The following TMEM207 variants were observed in gnomAD, a reference collection of about 807,000 sequenced individuals.
TMEM207 encodes transmembrane protein 207.
TMEM207 carries 15 observed loss-of-function variants against 17.4 expected under a neutral mutation model. The observed-to-expected ratio is 0.86, with a 90% CI of 0.58 to 1.33. The LOEUF (loss-of-function observed/expected upper bound fraction) is 1.33, where lower values mean the gene tolerates loss of function less well. Ranked by LOEUF, TMEM207 falls within the 40% of genes most tolerant of loss-of-function variation. The probability of loss-of-function intolerance (pLI) is 0.00; values close to 1 mark genes in which losing one functional copy is unlikely to be tolerated. For synonymous variants in TMEM207, 70 were observed against 65.6 expected, an observed-to-expected ratio of 1.07 and a Z score of -0.33; for missense variants, 205 against 173.8, an observed-to-expected ratio of 1.18 and a Z score of -1.01.
At position 190,432,654 on chromosome 3, in the gene TMEM207, G is replaced by A. The variant is rs143808660; in HGVS notation, c.305-2923C>T. On this transcript the variant is annotated intron_variant, in intron 4 of 4. Coordinates refer to ENST00000354905, the MANE Select transcript of TMEM207 (RefSeq NM_207316.3). ...AAATCATAAAATAAAAGAATCCTGG[G>A]AGACTGGAGGGAGAAGAGAGCAGAG... Among the ~76,000 whole-genome samples the A allele has an allele frequency of 3.3e-5, 5 of 152,216 alleles. No homozygotes were observed. In the East Asian group the frequency reaches 9.7e-4, roughly 29 times the overall value.
intron 4 of TMEM207, among the ~76,000 whole-genome samples, chr3:190,432,793 T>C (rs1049510814): frequency 6.6e-6 from 1 of 151,922 alleles, no homozygotes; most frequent in African/African-American, 2.4e-5. Context: ...TTCCCAGAAA[T>C]AAGAAAGAGG....
intron 4 of TMEM207, among the ~76,000 whole-genome samples, chr3:190,439,457 C>A (rs1457415528): frequency 6.6e-6 from 1 of 152,122 alleles, no homozygotes; most frequent in Admixed American, 6.5e-5. Context: ...TAAGCGCTCC[C>A]GAGGTAACTG....
At chr3:190,447,625 GA>G (rs912579735) in intron 2 of TMEM207, among the ~76,000 whole-genome samples, 164 bp downstream of exon 2, 8 of 149,950 alleles carry the variant, frequency 5.3e-5, no homozygotes, top group East Asian at 3.9e-4. Flanking sequence ...CCTGTTTTCA[GA>G]AAAAAAAATG....
At chr3:190,439,971 C>T (rs1719893333) in intron 4 of TMEM207, among the ~76,000 whole-genome samples, 1 of 152,186 alleles carries the variant, frequency 6.6e-6, no homozygotes, top group Admixed American at 6.5e-5. Flanking sequence ...GCCCTGCATA[C>T]TTCTTCTCTT....
At chr3:190,445,821 G>A (rs192212130) in intron 2 of TMEM207, among the ~76,000 whole-genome samples, 84 of 152,244 alleles carry the variant, frequency 5.5e-4, no homozygotes, top group African/African-American at 1.5e-3. Flanking sequence ...CACTGCGCCC[G>A]GTCGACCAGT....
At chr3:190,435,310 CTT>C (rs1273202188) in intron 4 of TMEM207, among the ~76,000 whole-genome samples, 9 of 152,188 alleles carry the variant, frequency 5.9e-5, no homozygotes, top group African/African-American at 2.2e-4. Flanking sequence ...ACATCATGGT[CTT>C]TACTTTGTGC....
chr3:190,438,204 C>T (rs948518276), intron 4 of TMEM207, among the ~76,000 whole-genome samples: 2 of 151,648 alleles, frequency 1.3e-5, no homozygotes, highest in South Asian at 4.2e-4. Flanking sequence ...TATGTAACTA[C>T]CCTGCACATT....
chr3:190,429,561 G>A lies in TMEM207; in HGVS notation c.*34C>T, dbSNP rs372274107. The A allele has an allele frequency of 6.8e-5, 110 of 1,606,578 alleles. No homozygotes were observed. Among genetic ancestry groups the A allele is most frequent in the Non-Finnish European group, 7.8e-5 (92 of 1,175,100 alleles). ...TTGATGTTTTGGAATTACAGATGTC[G>A]TTAATACTTTAAATTGATAATCCAC... On this transcript the variant is annotated 3_prime_UTR_variant, in exon 5 of 5. Coordinates refer to ENST00000354905, the MANE Select transcript of TMEM207 (RefSeq NM_207316.3).
At chr3:190,447,663 A>G in intron 2 of TMEM207, 127 bp downstream of exon 2, 1 of 811,742 alleles carries the variant, frequency 1.2e-6, no homozygotes, top group Non-Finnish European at 1.9e-6. Context: ...CAAACCATTT[A>G]CTTTTCTTCT....
At chr3:190,444,433 T>C (rs1385614834) in intron 2 of TMEM207, 18 of 985,076 alleles carry the variant, frequency 1.8e-5, no homozygotes, top group East Asian at 1.1e-4. Flanking sequence ...AACCTCATAG[T>C]ACCATGTGGA....
In TMEM207 at chr3:190,449,715, C is replaced by T. The variant is rs756566206; in HGVS notation, c.75+20G>A. ...TCAGAGTACCTCTGAAAACCTTAAC[C>T]CAGAAAGAGAGATAGTTACCTGGAA... On this transcript the variant is annotated intron_variant, in intron 1 of 4. Transcript: ENST00000354905. 3 of 1,613,004 alleles carry T rather than the reference C, an allele frequency of 1.9e-6. No homozygotes were observed. In the East Asian group the frequency reaches 6.7e-5, roughly 36 times the overall value.
chr3:190,448,715 A>C (rs1311569460), intron 1 of TMEM207, among the ~76,000 whole-genome samples: 1 of 152,194 alleles, frequency 6.6e-6, no homozygotes, highest in Non-Finnish European at 1.5e-5. Context: ...AGAAGTTACA[A>C]AATTTAAAGT....
At position 190,429,548 on chromosome 3, in the gene TMEM207, A is replaced by T; in HGVS notation, c.*47T>A. ...ACTATTCCTAAATTTGATGTTTTGGAATTACAGATGTCGTTAATACTTTAA... is the reference window on the plus strand; with the variant it reads ...ACTATTCCTAAATTTGATGTTTTGGTATTACAGATGTCGTTAATACTTTAA... On this transcript the variant is annotated 3_prime_UTR_variant, in exon 5 of 5. Transcript: ENST00000354905. 6.2e-7 allele frequency: 1 copy of T among 1,603,648 alleles called. No homozygotes were observed. The highest frequency in any genetic ancestry group is 2.2e-5 in the East Asian group (1 of 44,706).
chr3:190,433,803 A>G (rs980828459), intron 4 of TMEM207, among the ~76,000 whole-genome samples: 2 of 151,760 alleles, frequency 1.3e-5, no homozygotes, highest in Non-Finnish European at 2.9e-5. Context: ...GCCCGGTGGG[A>G]GTTGACTGGA....
Position 190,429,117 on chromosome 3 carries a change from CT to C in TMEM207, c.*477del, listed in dbSNP as rs1413179973. 1 of 152,252 alleles carries C rather than the reference CT, an allele frequency of 6.6e-6. No individual in the cohort carries two copies. Among genetic ancestry groups the C allele is most frequent in the Non-Finnish European group, 1.5e-5 (1 of 68,220 alleles). The allele number at this position is 152,252 out of a possible 1,614,324, so 9.4% of individuals were successfully genotyped here. A position where few individuals can be genotyped will look rare whatever the true frequency, so the allele number is the denominator to read the frequency against. ...CTTCAACTCCAAACTTTTCTTTTTC[CT>C]ACTCTCTCCCCTCACCTTCATTCAA... is the stretch of plus-strand genomic sequence containing the variant. On this transcript the variant is annotated 3_prime_UTR_variant, in exon 5 of 5. Coordinates refer to ENST00000354905, the MANE Select transcript of TMEM207 (RefSeq NM_207316.3).
chr3:190,430,699 T>A (rs1719673550), intron 4 of TMEM207, among the ~76,000 whole-genome samples: 1 of 152,216 alleles, frequency 6.6e-6, no homozygotes, highest in South Asian at 2.1e-4. Context: ...GTGTATTGAA[T>A]TTATGAAACA....
At chr3:190,439,140 G>GCAC (rs199902431) in intron 4 of TMEM207, among the ~76,000 whole-genome samples, 15,038 of 140,566 alleles carry the variant, frequency 0.11, 625 homozygotes, top group African/African-American at 0.23. Context: ...TCGCGCCACG[G>GCAC]CACTCCCGCC....
intron 4 of TMEM207, among the ~76,000 whole-genome samples, chr3:190,439,164 G>A (rs1427581625): frequency 4.0e-4 from 49 of 121,850 alleles, no homozygotes; most frequent in Non-Finnish European, 5.4e-4. Flanking sequence ...GCGACAGAGC[G>A]AGACTCCGTC....
At chr3:190,433,202 C>G (rs1329693227) in intron 4 of TMEM207, among the ~76,000 whole-genome samples, 1 of 152,144 alleles carries the variant, frequency 6.6e-6, no homozygotes, top group African/African-American at 2.4e-5. Flanking sequence ...TTTCTCACCT[C>G]CAAAACTCCA....
Sources: allele counts gnomAD v4.1 joint callset (sites outside exome capture counted in the v4.1 genomes callset), GRCh38; gene constraint gnomAD v4.1.1; transcripts MANE v1.5; gene names NCBI Gene and HGNC (gene_info 2026-07-23, HGNC 2026-07-21).